Variants in PTER observed in about 807,000 individuals in gnomAD.
PTER encodes phosphotriesterase related, also known as N-acetyltaurine hydrolase.
Under a neutral mutation model 29.6 loss-of-function variants are expected in PTER, and 38 were observed. The observed-to-expected ratio is 1.28, with a 90% CI of 0.99 to 1.68. PTER has a LOEUF of 1.68. PTER is among the 40% of genes most tolerant of loss of function. PTER has a pLI of 0.00. For missense variants in PTER, 482 were observed against 427.8 expected, an observed-to-expected ratio of 1.13 and a Z score of -1.12; for synonymous variants, 172 against 154.5, an observed-to-expected ratio of 1.11 and a Z score of -0.84.
chr10:16,476,196 G>T (rs992220704), intron 1 of PTER: 1 of 152,196 alleles, frequency 6.6e-6, no homozygotes, highest in Non-Finnish European at 1.5e-5. Context: ...CGATTCTCCT[G>T]CCTCAGCCTC....
chr10:16,474,977 G>C (rs1224300492), intron 1 of PTER, among the ~76,000 whole-genome samples: 1 of 152,150 alleles, frequency 6.6e-6, no homozygotes, highest in African/African-American at 2.4e-5. Context: ...GTCTGGGAGG[G>C]CCTATGTCCT....
chr10:16,511,332 A>G lies in PTER; in HGVS notation c.*76A>G. ...TCAGCGATTTCCAGTCCACTGTGAG[A>G]TATTAATCAGTTACCTAGGACTAAT... On this transcript the variant is annotated 3_prime_UTR_variant, in exon 5 of 5. Coordinates refer to ENST00000535784, the MANE Select transcript of PTER (RefSeq NM_001261836.2). 1 of 1,324,624 alleles carries G rather than the reference A, an allele frequency of 7.5e-7. No homozygotes were observed. The highest frequency in any genetic ancestry group is 1.1e-6 in the Non-Finnish European group (1 of 926,692). 82.1% of individuals were successfully genotyped at this position (1,324,624 alleles called of 1,614,324 possible).
intron 1 of PTER, among the ~76,000 whole-genome samples, chr10:16,445,560 GTGCCTTTC>G (rs892401235): frequency 4.6e-5 from 7 of 152,076 alleles, no homozygotes; most frequent in Admixed American, 1.3e-4. Flanking sequence ...CCATGAGTCA[GTGCCTTTC>G]TCCCAGTTAG....
intron 1 of PTER, among the ~76,000 whole-genome samples, chr10:16,439,862 C>A (rs1048629608): frequency 1.3e-5 from 2 of 152,222 alleles, no homozygotes; most frequent in East Asian, 3.9e-4. Context: ...GGCAGCCAGC[C>A]AACTTCAAAT....
At chr10:16,515,641 G>C (rs976553871), downstream of PTER, among the ~76,000 whole-genome samples, 9 of 152,136 alleles carry the variant, frequency 5.9e-5, no homozygotes, top group African/African-American at 2.2e-4. Flanking sequence ...CAGTCAAATT[G>C]CCTATCATCT....
At chr10:16,447,727 T>TATGCCTGCATATATTC (rs1347977368) in intron 1 of PTER, among the ~76,000 whole-genome samples, 2 of 152,210 alleles carry the variant, frequency 1.3e-5, no homozygotes, top group East Asian at 1.9e-4. Flanking sequence ...TATTTATATA[T>TATGCCTGCATATATTC]ATGCCTGCAT....
chr10:16,437,653 A>G (rs1833698797), intron 1 of PTER, among the ~76,000 whole-genome samples: 1 of 152,096 alleles, frequency 6.6e-6, no homozygotes, highest in Non-Finnish European at 1.5e-5. Flanking sequence ...ATAAAAGCCA[A>G]TTACCAGCGG....
rs368314951 is a variant in PTER, at chr10:16,470,729, C to T, written c.-48-13608C>T. 3.3e-5 allele frequency among the ~76,000 whole-genome samples: 5 copies of T among 152,232 alleles called. No homozygotes were observed. In the East Asian group the frequency reaches 7.7e-4, roughly 24 times the overall value. ...GTTGCAGTGAGCCAAGATTGTGCCA[C>T]TCCACTCCAGCCTGGGTGACAGAGC... On this transcript the variant is annotated intron_variant, in intron 1 of 4. Coordinates refer to ENST00000535784, the MANE Select transcript of PTER (RefSeq NM_001261836.2).
At chr10:16,448,725 A>G (rs935821097) in intron 1 of PTER, among the ~76,000 whole-genome samples, 1 of 152,242 alleles carries the variant, frequency 6.6e-6, no homozygotes, top group Admixed American at 6.5e-5. Context: ...TCATGGAAGG[A>G]AAAAGCGATC....
rs544277669 is a variant in PTER at position 16,483,984 on chromosome 10, A to G, written c.-48-353A>G. The stretch of plus-strand genomic sequence containing the variant: ...TGATTCTGAATACTTTTTTTTAATT[A>G]CAATTACTGTTGATTTATCCAAGAA... On this transcript the variant is annotated intron_variant, in intron 1 of 4. Transcript: ENST00000535784. Among the ~76,000 whole-genome samples the G allele has an allele frequency of 3.3e-5, 5 of 152,288 alleles. No homozygotes were observed. The South Asian group carries it at 6.2e-4, about 19-fold the overall frequency.
At chr10:16,496,198 C>T (rs1168622555) in intron 3 of PTER, among the ~76,000 whole-genome samples, 1 of 152,182 alleles carries the variant, frequency 6.6e-6, no homozygotes, top group Non-Finnish European at 1.5e-5. Flanking sequence ...AACACAAATC[C>T]CTCCCTTAGT....
intron 3 of PTER, among the ~76,000 whole-genome samples, chr10:16,490,627 G>GT (rs541043577): frequency 3.3e-5 from 5 of 150,404 alleles, no homozygotes; most frequent in Admixed American, 6.7e-5. Flanking sequence ...AAAATAGGGT[G>GT]TTTTTTTTCT....
At chr10:16,446,220 A>AT (rs375758553) in intron 1 of PTER, among the ~76,000 whole-genome samples, 35,315 of 144,178 alleles carry the variant, frequency 0.24, 4,342 homozygotes, top group South Asian at 0.45. Context: ...CACCCCCAAC[A>AT]TTTTTTTTTT....
downstream of PTER, among the ~76,000 whole-genome samples, chr10:16,517,786 T>C (rs1249810667): frequency 4.6e-5 from 7 of 152,210 alleles, no homozygotes; most frequent in Non-Finnish European, 1.0e-4. Flanking sequence ...ATGGTGACAT[T>C]TGTAATTTAA....
At chr10:16,506,200 C>T (rs1836556375) in intron 4 of PTER, among the ~76,000 whole-genome samples, 2 of 152,118 alleles carry the variant, frequency 1.3e-5, no homozygotes, top group South Asian at 4.1e-4. Context: ...AGTGCAATCT[C>T]AGTGGAAAAG....
chr10:16,458,247 A>G (rs1024739479), intron 1 of PTER, among the ~76,000 whole-genome samples: 3 of 152,020 alleles, frequency 2.0e-5, no homozygotes, highest in African/African-American at 7.2e-5. Context: ...AAGCTCTCAT[A>G]TCACAACTTG....
intron 1 of PTER, among the ~76,000 whole-genome samples, chr10:16,464,552 CCT>C (rs1208969471): frequency 1.3e-5 from 2 of 152,194 alleles, no homozygotes; most frequent in Non-Finnish European, 2.9e-5. Context: ...TAATGATCGC[CCT>C]TATGTAGTTC....
At chr10:16,438,670 G>A (rs1484185135) in intron 1 of PTER, among the ~76,000 whole-genome samples, 1 of 150,550 alleles carries the variant, frequency 6.6e-6, no homozygotes, top group Non-Finnish European at 1.5e-5. Flanking sequence ...GCTCACACCT[G>A]TAATCCCGGC....
Position 16,484,379 on chromosome 10 carries a change from T to C in PTER, c.-6T>C. The C allele has an allele frequency of 1.3e-6, 2 of 1,569,542 alleles. No individual in the cohort carries two copies. Among genetic ancestry groups the C allele is most frequent in the African/African-American group, 1.4e-5 (1 of 72,392 alleles). On this transcript the variant is annotated 5_prime_UTR_variant, in exon 2 of 5. Coordinates refer to ENST00000535784, the MANE Select transcript of PTER (RefSeq NM_001261836.2). ...TTTAGAACATCTCTTGGTGGTACCA[T>C]CAGAAATGTCTTCCTTAAGTGGAAA...
Sources: gnomAD v4.1 joint callset for allele counts (sites outside exome capture counted in the v4.1 genomes callset) on GRCh38, gnomAD v4.1.1 for gene constraint, MANE v1.5 for transcripts, NCBI Gene and HGNC (gene_info 2026-07-23, HGNC 2026-07-21) for gene names.